SCD5: variants seen among roughly 807,000 people sequenced by gnomAD.
SCD5 encodes acyl-CoA-desaturase 4.
SCD5 carries 20 observed loss-of-function variants against 30.4 expected under a neutral mutation model. That is an observed-to-expected ratio of 0.66 (90% CI 0.46 to 0.96). SCD5 has a LOEUF of 0.96. Ranked by LOEUF, SCD5 falls within the 40% of genes least tolerant of loss-of-function variation. The pLI, the probability that SCD5 is intolerant of heterozygous loss-of-function variation, is 0.00. For missense variants in SCD5, 381 were observed against 443.3 expected (o/e 0.86, Z 1.26); for synonymous variants, 173 against 176.4 (o/e 0.98, Z 0.16).
chr4:82,699,765 G>T (rs188675970), intron 2 of SCD5, among the ~76,000 whole-genome samples: 194 of 151,674 alleles, frequency 1.3e-3, no homozygotes, highest in Non-Finnish European at 2.1e-3. Context: ...AGGTTCAAGC[G>T]ATTCTCCTGC....
intron 3 of SCD5, among the ~76,000 whole-genome samples, chr4:82,642,001 G>A (rs1727556026): frequency 6.6e-6 from 1 of 152,092 alleles, no homozygotes; most frequent in African/African-American, 2.4e-5. Context: ...GGGCTGCCAG[G>A]TAGAGGATAT....
intron 1 of SCD5, among the ~76,000 whole-genome samples, chr4:82,719,137 C>G (rs1008814662): frequency 6.6e-6 from 1 of 151,822 alleles, no homozygotes; most frequent in Non-Finnish European, 1.5e-5. Context: ...ATTTTAAAAT[C>G]TCTTTTTCTG....
chr4:82,772,679 T>C (rs1560559237), intron 1 of SCD5, among the ~76,000 whole-genome samples: 2 of 152,070 alleles, frequency 1.3e-5, no homozygotes, highest in Admixed American at 1.3e-4. Flanking sequence ...GGCAGAAAGG[T>C]TCCCCGTGAC....
At chr4:82,649,220 T>TGTGA (rs1166955808) in intron 3 of SCD5, among the ~76,000 whole-genome samples, 16 of 145,816 alleles carry the variant, frequency 1.1e-4, no homozygotes, top group African/African-American at 3.8e-4. Flanking sequence ...TGTGTGTGTG[T>TGTGA]GAGATTCTTC....
chr4:82,759,378 C>A (rs13119742), intron 1 of SCD5, among the ~76,000 whole-genome samples: 217 of 152,164 alleles, frequency 1.4e-3, no homozygotes, highest in Admixed American at 2.9e-3. Context: ...CTGCCCCAGG[C>A]AGCTTCACAA....
intron 1 of SCD5, among the ~76,000 whole-genome samples, chr4:82,746,707 T>C (rs1720989354): frequency 6.6e-6 from 1 of 151,604 alleles, no homozygotes; most frequent in African/African-American, 2.4e-5. Flanking sequence ...ATAGAGTAAA[T>C]GGAAAGAGTC....
chr4:82,647,127 C>T (rs1006259242), intron 3 of SCD5, among the ~76,000 whole-genome samples: 1 of 152,168 alleles, frequency 6.6e-6, no homozygotes, highest in Non-Finnish European at 1.5e-5. Flanking sequence ...ACTCAGCCAT[C>T]TCTACTTTTT....
At chr4:82,636,278 TAA>T (rs34221980) in intron 4 of SCD5, among the ~76,000 whole-genome samples, 84 of 140,352 alleles carry the variant, frequency 6.0e-4, no homozygotes, top group African/African-American at 6.5e-4. Context: ...CCATCTCTAC[TAA>T]AAAAAAAAAA....
In SCD5 at chr4:82,647,209, CTG is replaced by C. The variant is rs1727650416; in HGVS notation, c.570-10388_570-10387del. Among the ~76,000 whole-genome samples, 5 of 152,080 alleles carry C rather than the reference CTG, an allele frequency of 3.3e-5. No homozygotes were observed. In the South Asian group the frequency reaches 8.3e-4, roughly 25 times the overall value. ...TGCATGTATACATGTGTGTATGTGC[CTG>C]TGTGTTCACGTATGTGTGCAAGTGT... is the stretch of plus-strand genomic sequence containing the variant. On this transcript the variant is annotated intron_variant, in intron 3 of 4. Coordinates refer to ENST00000319540, the MANE Select transcript of SCD5 (RefSeq NM_001037582.3).
chr4:82,640,042 T>A (rs1401920160), intron 3 of SCD5, among the ~76,000 whole-genome samples: 3 of 152,046 alleles, frequency 2.0e-5, no homozygotes, highest in Admixed American at 2.0e-4. Flanking sequence ...CACAGGGAGG[T>A]GCCGTGGCCT....
chr4:82,772,151 T>G (rs1401319032), intron 1 of SCD5, among the ~76,000 whole-genome samples: 2 of 151,850 alleles, frequency 1.3e-5, no homozygotes, highest in African/African-American at 4.8e-5. Flanking sequence ...AAGAAAGGAG[T>G]CCAGAATGAC....
At chr4:82,635,461 A>T (rs1284220639) in intron 4 of SCD5, among the ~76,000 whole-genome samples, 3 of 151,954 alleles carry the variant, frequency 2.0e-5, no homozygotes, top group African/African-American at 7.3e-5. Context: ...CTACTAAAAA[A>T]TACAAAAAAA....
At chr4:82,727,700 A>T (rs1029647399) in intron 1 of SCD5, among the ~76,000 whole-genome samples, 1 of 151,688 alleles carries the variant, frequency 6.6e-6, no homozygotes, top group African/African-American at 2.4e-5. Context: ...TGGCCTTGAG[A>T]CTTTTTGTTT....
At chr4:82,678,928 G>A (rs113677959) in intron 3 of SCD5, among the ~76,000 whole-genome samples, 9 of 152,094 alleles carry the variant, frequency 5.9e-5, no homozygotes, top group African/African-American at 1.7e-4. Context: ...TTGGCTGGGC[G>A]CAGTGGCTCA....
chr4:82,676,431 GT>G (rs1728438012), intron 3 of SCD5, among the ~76,000 whole-genome samples: 1 of 152,196 alleles, frequency 6.6e-6, no homozygotes, highest in South Asian at 2.1e-4. Context: ...TCCCTAGCCT[GT>G]GGTTCACCCC....
Position 82,652,131 on chromosome 4 carries a change from C to CA in SCD5, c.570-15309dup, listed in dbSNP as rs145584989. On this transcript the variant is annotated intron_variant, in intron 3 of 4. Transcript: ENST00000319540. ...AGGATCTAAGCCAAAGAAACATGAG[C>CA]AAAAGCACAGTGTCACGAAATAGCC... Among the ~76,000 whole-genome samples the CA allele has an allele frequency of 2.8e-3, 425 of 152,172 alleles. 2 individuals carry two copies. Among genetic ancestry groups the CA allele is most frequent in the African/African-American group, 9.9e-3 (409 of 41,520 alleles).
intron 3 of SCD5, among the ~76,000 whole-genome samples, chr4:82,651,382 C>T (rs994957020): frequency 2.6e-5 from 4 of 151,962 alleles, no homozygotes; most frequent in African/African-American, 9.7e-5. Context: ...AACCAAACGT[C>T]GTATGTTCTC....
chr4:82,728,317 T>C (rs952522675), intron 1 of SCD5, among the ~76,000 whole-genome samples: 1 of 152,096 alleles, frequency 6.6e-6, no homozygotes, highest in Non-Finnish European at 1.5e-5. Flanking sequence ...AGTTTCTAGT[T>C]TTACCTTAAA....
chr4:82,647,012 A>G (rs1226234933), intron 3 of SCD5, among the ~76,000 whole-genome samples: 1 of 152,100 alleles, frequency 6.6e-6, no homozygotes, highest in East Asian at 1.9e-4. Context: ...TTTAGTAGAG[A>G]CAGAGTTTCA....
Sources: allele counts gnomAD v4.1 joint callset (sites outside exome capture counted in the v4.1 genomes callset), GRCh38; gene constraint gnomAD v4.1.1; transcripts MANE v1.5; gene names NCBI Gene and HGNC (gene_info 2026-07-23, HGNC 2026-07-21).